The following CNTNAP5 variants were observed in gnomAD, a reference collection of about 807,000 sequenced individuals.
CNTNAP5 encodes the protein contactin associated protein family member 5, also known as contactin-associated protein-like 5.
CNTNAP5 carries 72 observed loss-of-function variants against 150.2 expected under a neutral mutation model. The observed-to-expected ratio is 0.48, with a 90% confidence interval of 0.40 to 0.58. CNTNAP5 has a LOEUF of 0.58. Among genes scored for constraint, CNTNAP5 ranks in the 20% least tolerant of loss-of-function variants. The probability of loss-of-function intolerance (pLI) is 0.00; values close to 1 mark genes in which losing one functional copy is unlikely to be tolerated. For missense variants in CNTNAP5, 1,636 were observed against 1,626.2 expected (o/e 1.01, Z -0.10); for synonymous variants, 672 against 619.8 (o/e 1.08, Z -1.25).
intron 11 of CNTNAP5, among the ~76,000 whole-genome samples, chr2:124,586,817 T>C (rs894873692): frequency 6.6e-6 from 1 of 152,236 alleles, no homozygotes; most frequent in East Asian, 1.9e-4. Context: ...TTTGAAAGTT[T>C]GTAAAGATTT....
intron 4 of CNTNAP5, among the ~76,000 whole-genome samples, chr2:124,419,320 A>C (rs1692021902): frequency 6.6e-6 from 1 of 151,934 alleles, no homozygotes; most frequent in Non-Finnish European, 1.5e-5. Flanking sequence ...CCAATTGTTC[A>C]CCCACAGTGT....
chr2:124,244,708 C>A (rs1346943394), intron 3 of CNTNAP5, among the ~76,000 whole-genome samples: 1 of 152,100 alleles, frequency 6.6e-6, no homozygotes, highest in Admixed American at 6.5e-5. Context: ...ATACCATGAC[C>A]GGTCATGTAC....
chr2:124,280,048 TA>T (rs1239062623), intron 3 of CNTNAP5, among the ~76,000 whole-genome samples: 1 of 152,144 alleles, frequency 6.6e-6, no homozygotes, highest in Non-Finnish European at 1.5e-5. Context: ...TTCTCTCAAC[TA>T]TATCAGAAAA....
chr2:124,903,846 G>C (rs1468322166), intron 22 of CNTNAP5, among the ~76,000 whole-genome samples: 2 of 149,488 alleles, frequency 1.3e-5, no homozygotes, highest in African/African-American at 2.6e-5. Context: ...CTGAGGTCAG[G>C]AGTTCGAGAC....
At chr2:124,114,050 G>C (rs1478123966) in intron 1 of CNTNAP5, among the ~76,000 whole-genome samples, 1 of 151,764 alleles carries the variant, frequency 6.6e-6, no homozygotes, top group East Asian at 1.9e-4. Flanking sequence ...AGATACAAGG[G>C]AAAAAAGTCC....
At chr2:124,692,628 A>T (rs1235508319) in intron 13 of CNTNAP5, among the ~76,000 whole-genome samples, 1 of 152,150 alleles carries the variant, frequency 6.6e-6, no homozygotes. Flanking sequence ...CAGGACATGA[A>T]GGTTGGTACA....
In CNTNAP5 at chr2:124,903,075, A is replaced by G. The variant is rs774258081; in HGVS notation, c.3630A>G (p.Ala1210=). 7 of 1,589,106 alleles carry G rather than the reference A, an allele frequency of 4.4e-6. No individual in the cohort carries two copies. Among genetic ancestry groups the G allele is most frequent in the African/African-American group, 1.3e-5 (1 of 74,478 alleles). Residue 1210 remains alanine, a synonymous_variant, in exon 22 of 24, where the codon GCA becomes GCG. Transcript: ENST00000682447. ...TCATGGTGGACTCAGATGTGAATGC[A>G]GTGACCACGGTGCATTCTTCATCAG... The part of the protein sequence containing the change: ...CGFMVDSDVN[A]VTTVHSSSDP...
intron 10 of CNTNAP5, 45 bp from the exon 11 acceptor site, chr2:124,563,172 A>G (rs1425050931): frequency 3.0e-6 from 4 of 1,320,978 alleles, no homozygotes; most frequent in Non-Finnish European, 4.3e-6. Context: ...CTTTCTGCCA[A>G]ATGATTTGGT....
At chr2:124,686,612 CA>C (rs1679198374) in intron 13 of CNTNAP5, among the ~76,000 whole-genome samples, 2 of 152,060 alleles carry the variant, frequency 1.3e-5, no homozygotes, top group Non-Finnish European at 2.9e-5. Context: ...TTGGACATTC[CA>C]ATCCCAGCTG....
intron 10 of CNTNAP5, among the ~76,000 whole-genome samples, chr2:124,537,062 G>A (rs951332234): frequency 6.6e-6 from 1 of 151,908 alleles, no homozygotes; most frequent in African/African-American, 2.4e-5. Flanking sequence ...GAAAGAGAGA[G>A]AGAGACAGAG....
intron 10 of CNTNAP5, among the ~76,000 whole-genome samples, chr2:124,536,221 A>C (rs1695228093): frequency 2.0e-5 from 3 of 152,220 alleles, no homozygotes; most frequent in Admixed American, 1.3e-4. Flanking sequence ...TATTTCACAG[A>C]GGGGAAAAAA....
At chr2:124,785,063 G>T (rs199952589) in intron 17 of CNTNAP5, among the ~76,000 whole-genome samples, 1 of 132,132 alleles carries the variant, frequency 7.6e-6, no homozygotes, top group Non-Finnish European at 1.7e-5. Flanking sequence ...AAAAACAAAA[G>T]AAAAAGAAAA....
At chr2:124,580,886 A>G (rs1250803001) in intron 11 of CNTNAP5, among the ~76,000 whole-genome samples, 1 of 152,184 alleles carries the variant, frequency 6.6e-6, no homozygotes, top group African/African-American at 2.4e-5. Flanking sequence ...GGATGTCCTA[A>G]GTTTGGGGAA....
At chr2:124,189,843 G>T (rs1685420177) in intron 1 of CNTNAP5, among the ~76,000 whole-genome samples, 1 of 152,174 alleles carries the variant, frequency 6.6e-6, no homozygotes, top group Non-Finnish European at 1.5e-5. Context: ...AGGGGATGAA[G>T]GTATAGGAGA....
intron 8 of CNTNAP5, among the ~76,000 whole-genome samples, chr2:124,505,650 C>T (rs1573420253): frequency 2.0e-5 from 3 of 152,098 alleles, no homozygotes; most frequent in Non-Finnish European, 4.4e-5. Context: ...TCTGGATACC[C>T]TGGCTCCTCC....
chr2:124,393,332 C>T (rs1223806388), intron 3 of CNTNAP5, among the ~76,000 whole-genome samples: 1 of 152,146 alleles, frequency 6.6e-6, no homozygotes, highest in Non-Finnish European at 1.5e-5. Context: ...TCTTCAAATT[C>T]ACCTTGGTTG....
At chr2:124,741,418 C>T (rs899547618) in intron 13 of CNTNAP5, among the ~76,000 whole-genome samples, 1 of 152,124 alleles carries the variant, frequency 6.6e-6, no homozygotes, top group African/African-American at 2.4e-5. Context: ...GAAACAATTG[C>T]AAGATTACAG....
At chr2:124,391,289 A>T (rs1234929176) in intron 3 of CNTNAP5, among the ~76,000 whole-genome samples, 1 of 152,206 alleles carries the variant, frequency 6.6e-6, no homozygotes, top group African/African-American at 2.4e-5. Flanking sequence ...GAAATTTTAG[A>T]TTTTAATATA....
At chr2:124,261,334 A>G (rs902721101) in intron 3 of CNTNAP5, among the ~76,000 whole-genome samples, 5 of 152,194 alleles carry the variant, frequency 3.3e-5, no homozygotes, top group African/African-American at 9.6e-5. Context: ...CCCTCTCAGC[A>G]GAATTCATTG....
Sources: gnomAD v4.1 joint callset for allele counts (sites outside exome capture counted in the v4.1 genomes callset) on GRCh38, gnomAD v4.1.1 for gene constraint, MANE v1.5 for transcripts, NCBI Gene and HGNC (gene_info 2026-07-23, HGNC 2026-07-21) for gene names.